STAG1: variants seen among roughly 807,000 people sequenced by gnomAD.
STAG1 encodes the protein cohesin subunit SA-1.
A neutral mutation model predicts 170.9 loss-of-function variants in STAG1; 26 were observed. The observed-to-expected ratio is 0.15, with a 90% CI of 0.11 to 0.21. The LOEUF (loss-of-function observed/expected upper bound fraction) is 0.21. Among genes scored for constraint, STAG1 ranks in the 10% least tolerant of loss-of-function variants. The probability of loss-of-function intolerance (pLI) is 1.00; values close to 1 mark genes in which losing one functional copy is unlikely to be tolerated. For missense variants in STAG1, 964 were observed against 1,509.5 expected (o/e 0.64, Z 5.99); for synonymous variants, 514 against 497.7 (o/e 1.03, Z -0.44).
At position 136,601,088 on chromosome 3, in the gene STAG1, T is replaced by G. The variant is rs903506441; in HGVS notation, c.297+3221A>C. ...GTTGGCCAGACTGGTCTCAAACTCC[T>G]GACCTCAACTGATCCACCCGCCTCA... On this transcript the variant is annotated intron_variant, in intron 4 of 33. Transcript: ENST00000383202. Among the ~76,000 whole-genome samples, 76 of 152,088 alleles carry G rather than the reference T, an allele frequency of 5.0e-4. 1 individual carries two copies. The highest frequency in any genetic ancestry group is 6.8e-3 in the Middle Eastern group (2 of 294).
intron 1 of STAG1, among the ~76,000 whole-genome samples, chr3:136,634,557 A>G (rs1940473656): frequency 6.6e-6 from 1 of 151,826 alleles, no homozygotes; most frequent in Non-Finnish European, 1.5e-5. Context: ...AATGTATGGG[A>G]TGCAGCAAAA....
At chr3:136,610,739 T>C (rs1291991092) in intron 3 of STAG1, among the ~76,000 whole-genome samples, 1 of 152,126 alleles carries the variant, frequency 6.6e-6, no homozygotes, top group Non-Finnish European at 1.5e-5. Context: ...AAAATCTCAA[T>C]TATGAAAGAA....
intron 11 of STAG1, 64 bp downstream of exon 11, chr3:136,473,475 A>C: frequency 1.7e-6 from 2 of 1,205,204 alleles, no homozygotes; most frequent in South Asian, 2.6e-5. Flanking sequence ...TAATTTGCTA[A>C]ACTAGCTGTA....
At chr3:136,690,056 CAAAAAAAA>C (rs57082567) in intron 1 of STAG1, among the ~76,000 whole-genome samples, 26 of 56,372 alleles carry the variant, frequency 4.6e-4, no homozygotes, top group East Asian at 1.2e-3. Flanking sequence ...AAAAGCAAAC[CAAAAAAAA>C]AAAAAAAAAA....
At chr3:136,440,120 T>C (rs113187047) in intron 15 of STAG1, among the ~76,000 whole-genome samples, 182 of 152,178 alleles carry the variant, frequency 1.2e-3, no homozygotes, top group African/African-American at 2.6e-3. Flanking sequence ...CATCTTGTCT[T>C]GTCTTAATTT....
chr3:136,723,988 A>G (rs1219769234), intron 1 of STAG1, among the ~76,000 whole-genome samples: 2 of 148,988 alleles, frequency 1.3e-5, no homozygotes, highest in African/African-American at 5.0e-5. Flanking sequence ...TGGGGGGGTC[A>G]GCCCCCCGCA....
At chr3:136,375,532 G>A (rs1218897868) in intron 23 of STAG1, among the ~76,000 whole-genome samples, 1 of 152,100 alleles carries the variant, frequency 6.6e-6, no homozygotes, top group Non-Finnish European at 1.5e-5. Context: ...GCACAACCAT[G>A]AAATATACTC....
chr3:136,608,570 A>C (rs1939079794), intron 3 of STAG1, among the ~76,000 whole-genome samples: 1 of 146,666 alleles, frequency 6.8e-6, no homozygotes, highest in Admixed American at 6.9e-5. Flanking sequence ...ATACCAGCAC[A>C]GGGGTAGACA....
intron 9 of STAG1, among the ~76,000 whole-genome samples, chr3:136,491,935 T>A (rs1027684720): frequency 1.3e-5 from 2 of 152,070 alleles, no homozygotes; most frequent in African/African-American, 4.8e-5. Flanking sequence ...GGGGCTGGAA[T>A]CAGCCCAAGA....
At chr3:136,591,065 T>C (rs1938142063) in intron 4 of STAG1, among the ~76,000 whole-genome samples, 1 of 151,590 alleles carries the variant, frequency 6.6e-6, no homozygotes, top group African/African-American at 2.4e-5. Flanking sequence ...TATTTTATTA[T>C]ATTTCATTAG....
chr3:136,737,237 C>G (rs558823302), intron 1 of STAG1: 2 of 642,674 alleles, frequency 3.1e-6, no homozygotes, highest in Non-Finnish European at 5.8e-6. Flanking sequence ...ACTTCCCCAG[C>G]CCAGCCACCA....
chr3:136,474,120 G>C (rs2089688243), intron 10 of STAG1, among the ~76,000 whole-genome samples: 1 of 152,140 alleles, frequency 6.6e-6, no homozygotes, highest in African/African-American at 2.4e-5. Flanking sequence ...GTTTAAAACA[G>C]AGGCAAAATG....
chr3:136,723,645 G>A (rs1302443502), intron 1 of STAG1, among the ~76,000 whole-genome samples: 17 of 145,030 alleles, frequency 1.2e-4, no homozygotes, highest in South Asian at 4.4e-4. Context: ...CGCCCCGTCC[G>A]GGAGGGAGGT....
chr3:136,523,985 T>C (rs1043153941), intron 6 of STAG1, among the ~76,000 whole-genome samples: 1 of 152,196 alleles, frequency 6.6e-6, no homozygotes, highest in Admixed American at 6.5e-5. Context: ...CCATGCTGTT[T>C]TGGTTACTGT....
chr3:136,573,437 C>T (rs6794351), intron 4 of STAG1, among the ~76,000 whole-genome samples: 115,603 of 151,956 alleles, frequency 0.76, 44,044 homozygotes, highest in East Asian at 0.86. Context: ...AGGGTACACA[C>T]ATAGGGAAGC....
chr3:136,581,525 T>C lies in STAG1; in HGVS notation c.298-12664A>G, dbSNP rs113338051. 2.1e-4 allele frequency among the ~76,000 whole-genome samples: 32 copies of C among 152,330 alleles called. 1 individual carries two copies. Among genetic ancestry groups the C allele is most frequent in the Admixed American group, 9.1e-4 (14 of 15,310 alleles). ...TTTTAATCTTTCAAATGACAAATAA[T>C]GTATTTAAATGATGACCCTCAGTGT... On this transcript the variant is annotated intron_variant, in intron 4 of 33. Transcript: ENST00000383202.
Position 136,417,866 on chromosome 3 carries a change from A to G in STAG1, c.2196+19T>C, listed in dbSNP as rs1328878214. ...CAACTTTCTAGAGTCATACAGAAGG[A>G]ATACCAATAAACTCCTACCTGTTCT... On this transcript the variant is annotated intron_variant, in intron 21 of 33. Coordinates refer to ENST00000383202, the MANE Select transcript of STAG1 (RefSeq NM_005862.3). 6.3e-7 allele frequency: 1 copy of G among 1,587,174 alleles called. No homozygotes were observed.
chr3:136,586,116 A>G (rs1937805044), intron 4 of STAG1, among the ~76,000 whole-genome samples: 1 of 152,222 alleles, frequency 6.6e-6, no homozygotes, highest in African/African-American at 2.4e-5. Flanking sequence ...ACTAATAGAA[A>G]GTCCACCATA....
At chr3:136,640,483 C>G (rs1325219993) in intron 1 of STAG1, among the ~76,000 whole-genome samples, 1 of 151,984 alleles carries the variant, frequency 6.6e-6, no homozygotes, top group African/African-American at 2.4e-5. Flanking sequence ...ATTCTCCTGC[C>G]TCAGCCTCCT....
Sources: gnomAD v4.1 joint callset for allele counts (sites outside exome capture counted in the v4.1 genomes callset) on GRCh38, gnomAD v4.1.1 for gene constraint, MANE v1.5 for transcripts, NCBI Gene and HGNC (gene_info 2026-07-23, HGNC 2026-07-21) for gene names.